MYOM1: variants seen among roughly 807,000 people sequenced by gnomAD.
MYOM1 encodes the protein myomesin-1.
In MYOM1, 164 loss-of-function variants were observed where a neutral mutation model predicts 205.3. The observed-to-expected ratio is 0.80, with a 90% confidence interval of 0.70 to 0.91. MYOM1 has a LOEUF of 0.91. Among genes scored for constraint, MYOM1 ranks in the 40% least tolerant of loss-of-function variants. The pLI, the probability that MYOM1 is intolerant of heterozygous loss-of-function variation, is 0.00. For synonymous variants in MYOM1, 772 were observed against 789.4 expected (o/e 0.98, Z 0.37); for missense variants, 2,011 against 2,127.3 (o/e 0.95, Z 1.08).
chr18:3,099,124 T>G (rs1035182414), intron 25 of MYOM1, among the ~76,000 whole-genome samples: 4 of 152,200 alleles, frequency 2.6e-5, no homozygotes, highest in Non-Finnish European at 5.9e-5. Context: ...CAGCCAAAGT[T>G]GGTTTTGAGA....
chr18:3,199,249 C>G (rs947009294), intron 2 of MYOM1, among the ~76,000 whole-genome samples: 4 of 152,120 alleles, frequency 2.6e-5, no homozygotes, highest in African/African-American at 9.7e-5. Context: ...CTGTGAATAA[C>G]AGTAGCAATA....
At chr18:3,097,270 A>C (rs1051541219) in intron 25 of MYOM1, among the ~76,000 whole-genome samples, 2 of 152,196 alleles carry the variant, frequency 1.3e-5, no homozygotes, top group Non-Finnish European at 2.9e-5. Flanking sequence ...ACCTCTGAAG[A>C]TATTCACCTT....
intron 26 of MYOM1, among the ~76,000 whole-genome samples, chr18:3,092,144 C>T (rs1285509208): frequency 6.6e-6 from 1 of 152,004 alleles, no homozygotes; most frequent in African/African-American, 2.4e-5. Context: ...ATATAGTAGT[C>T]AATTAATAAA....
chr18:3,173,096 C>T (rs964227986), intron 8 of MYOM1, among the ~76,000 whole-genome samples: 1 of 152,160 alleles, frequency 6.6e-6, no homozygotes, highest in African/African-American at 2.4e-5. Flanking sequence ...CTTTTTTAGT[C>T]TGACCACTGT....
intron 8 of MYOM1, 64 bp from the exon 9 acceptor site, chr18:3,169,045 AT>A: frequency 6.9e-7 from 1 of 1,457,162 alleles, no homozygotes; most frequent in South Asian, 1.3e-5. Context: ...AAGCATTTTA[AT>A]AAGCACAGGC....
chr18:3,240,879 G>C, the MYOM1 span, among the ~76,000 whole-genome samples: 1 of 152,196 alleles, frequency 6.6e-6, no homozygotes, highest in South Asian at 2.1e-4. Context: ...GAACTTGTTG[G>C]GAACTGGAGT....
chr18:3,146,925 G>C (rs956016054), intron 13 of MYOM1, among the ~76,000 whole-genome samples: 2 of 151,048 alleles, frequency 1.3e-5, no homozygotes, highest in Non-Finnish European at 3.0e-5. Flanking sequence ...AGTTCAGCAA[G>C]GATGCAGGAC....
intron 21 of MYOM1, among the ~76,000 whole-genome samples, chr18:3,114,674 G>A (rs1456988650): frequency 2.0e-5 from 3 of 150,662 alleles, no homozygotes; most frequent in South Asian, 2.1e-4. Context: ...ATGAGTCACC[G>A]TGCCTGGCCT....
At position 3,189,118 on chromosome 18, in the gene MYOM1, T is replaced by C. The variant is rs938473442; in HGVS notation, c.432-31A>G. The C allele has an allele frequency of 1.3e-6, 2 of 1,587,348 alleles. No homozygotes were observed. Among genetic ancestry groups the C allele is most frequent in the African/African-American group, 1.3e-5 (1 of 74,422 alleles). ...ACACAACAATGGCAAAATGTAGATG[T>C]TGTGGATGGCAGTGATAAGATTGAG... On this transcript the variant is annotated intron_variant, in intron 3 of 37. Transcript: ENST00000356443. This position sits in a 1 kb window ranked among gnomAD's most constrained non-coding sequence, Gnocchi z 4.8.
At chr18:3,197,379 C>T (rs1204633833) in intron 2 of MYOM1, among the ~76,000 whole-genome samples, 1 of 151,946 alleles carries the variant, frequency 6.6e-6, no homozygotes, top group Non-Finnish European at 1.5e-5. Flanking sequence ...CTCAGGTGAT[C>T]CGCCTGCCTT....
rs988293593 is a variant in MYOM1 at position 3,135,034 on chromosome 18, C to G, written c.2210-210G>C. The G allele has an allele frequency of 3.9e-5, 19 of 483,114 alleles. No individual in the cohort carries two copies. The highest frequency in any genetic ancestry group is 3.5e-4 in the African/African-American group (18 of 50,778). The allele number at this position is 483,114 out of a possible 1,614,324, so 29.9% of individuals were successfully genotyped here. A position where few individuals can be genotyped will look rare whatever the true frequency, so the allele number is the denominator to read the frequency against. On this transcript the variant is annotated intron_variant, in intron 15 of 37. Transcript: ENST00000356443. The surrounding 1 kb of genome is among the most constrained non-coding windows in gnomAD (Gnocchi z 4.1). Reference sequence around the variant, plus strand: ...CGGGATCTCGGCTCACTGCAGCCCCCACCTCCTGGGTTCAGGCAATTTTCC... The same window carrying G: ...CGGGATCTCGGCTCACTGCAGCCCCGACCTCCTGGGTTCAGGCAATTTTCC...
chr18:3,138,030 A>T (rs1165756013), intron 14 of MYOM1, among the ~76,000 whole-genome samples: 2 of 152,008 alleles, frequency 1.3e-5, no homozygotes, highest in Non-Finnish European at 2.9e-5. Flanking sequence ...TTTTAATGAG[A>T]CTCTATTCTT....
At position 3,135,686 on chromosome 18, in the gene MYOM1, G is replaced by C. The variant is rs748899877; in HGVS notation, c.2070C>G (p.Leu690=). ...TENWQRVNTE[L]PVKSPRFALF... ...GAGCAAAGCGGGGAGACTTCACAGG[G>C]AGCTCCGTGTTCACTCGCTGCCAGT... The change falls in exon 15 of 38, where the codon CTC becomes CTG. Residue 690 remains leucine, a synonymous_variant. Transcript: ENST00000356443. The surrounding 1 kb of genome is among the most constrained non-coding windows in gnomAD (Gnocchi z 4.1). 2 of 1,613,932 alleles carry C rather than the reference G, an allele frequency of 1.2e-6. No individual in the cohort carries two copies. The highest frequency in any genetic ancestry group is 3.3e-5 in the Admixed American group (2 of 60,014).
intron 4 of MYOM1, 58 bp downstream of exon 4, chr18:3,188,690 C>T: frequency 3.5e-6 from 5 of 1,414,958 alleles, no homozygotes; most frequent in East Asian, 2.5e-5. Flanking sequence ...CACACACACA[C>T]ACCCCTTATG....
At chr18:3,090,254 C>T (rs2079205227) in intron 27 of MYOM1, among the ~76,000 whole-genome samples, 1 of 133,248 alleles carries the variant, frequency 7.5e-6, no homozygotes, top group African/African-American at 2.8e-5. Context: ...GGGTCTCACT[C>T]TGTCCCCCAG....
At position 3,084,037 on chromosome 18, in the gene MYOM1, G is replaced by T; in HGVS notation, c.4340-10C>A. ...ATCAGTTCCTTAAAGGCTGTGGAGAGAGATTCAGAGCCAAAACTTTAGCAT... is the reference window on the plus strand; with the variant it reads ...ATCAGTTCCTTAAAGGCTGTGGAGATAGATTCAGAGCCAAAACTTTAGCAT... On this transcript the variant is annotated splice_polypyrimidine_tract_variant and intron_variant, in intron 31 of 37. Transcript: ENST00000356443. 1 of 1,574,354 alleles carries T rather than the reference G, an allele frequency of 6.4e-7. No homozygotes were observed. The highest frequency in any genetic ancestry group is 1.2e-5 in the South Asian group (1 of 85,874).
intron 21 of MYOM1, among the ~76,000 whole-genome samples, chr18:3,113,850 A>G (rs1433772042): frequency 1.3e-5 from 2 of 152,226 alleles, no homozygotes; most frequent in Non-Finnish European, 2.9e-5. Flanking sequence ...ATGTTGGAAT[A>G]AAGTTATTCA....
chr18:3,096,201 C>T (rs2143735924), intron 25 of MYOM1, among the ~76,000 whole-genome samples: 1 of 152,324 alleles, frequency 6.6e-6, no homozygotes, highest in Middle Eastern at 3.4e-3. Context: ...AGAGGCAGAC[C>T]ACCTGGGTTT....
intron 14 of MYOM1, among the ~76,000 whole-genome samples, chr18:3,138,528 G>T (rs750937165): frequency 6.6e-6 from 1 of 152,166 alleles, no homozygotes; most frequent in Non-Finnish European, 1.5e-5. Flanking sequence ...AACCTCTAAA[G>T]TTCCTTGCAG....
Sources: allele counts gnomAD v4.1 joint callset (sites outside exome capture counted in the v4.1 genomes callset), GRCh38; gene constraint gnomAD v4.1.1; non-coding constraint Gnocchi (gnomAD v3.1); transcripts MANE v1.5; gene names NCBI Gene and HGNC (gene_info 2026-07-23, HGNC 2026-07-21).